Variants in DOCK1 observed in about 807,000 individuals in gnomAD.
DOCK1 encodes dedicator of cytokinesis protein 1.
In DOCK1, 138 loss-of-function variants were observed where a neutral mutation model predicts 262.7. The observed-to-expected ratio is 0.53, with a 90% confidence interval of 0.46 to 0.61. The LOEUF (loss-of-function observed/expected upper bound fraction) is 0.61. Ranked by LOEUF, DOCK1 falls within the 20% of genes least tolerant of loss-of-function variation. DOCK1 has a pLI of 0.00. For missense variants in DOCK1, 1,908 were observed against 2,370.7 expected (o/e 0.80, Z 4.05); for synonymous variants, 866 against 867.4 (o/e 1.00, Z 0.03).
intron 1 of DOCK1, among the ~76,000 whole-genome samples, chr10:126,966,914 G>C (rs2037718082): frequency 6.6e-6 from 1 of 152,214 alleles, no homozygotes; most frequent in Non-Finnish European, 1.5e-5. Context: ...GCTGGAGTCT[G>C]CTGTCCAGGG....
rs1008901155 is a variant in DOCK1 at position 127,409,021 on chromosome 10, A to C, written c.4123-16A>C. On this transcript the variant is annotated splice_polypyrimidine_tract_variant and intron_variant, in intron 40 of 51. Transcript: ENST00000623213. ...CTTTCTCTGTGGTGTTATGAAATGAATGTCACCCTTTTCAGGGAAAAGTTT... is the reference window on the plus strand; with the variant it reads ...CTTTCTCTGTGGTGTTATGAAATGACTGTCACCCTTTTCAGGGAAAAGTTT... 2 of 1,572,542 alleles carry C rather than the reference A, an allele frequency of 1.3e-6. No homozygotes were observed. The highest frequency in any genetic ancestry group is 1.4e-5 in the African/African-American group (1 of 73,968).
chr10:126,973,926 A>G (rs2038307373), intron 2 of DOCK1, among the ~76,000 whole-genome samples: 1 of 152,142 alleles, frequency 6.6e-6, no homozygotes, highest in Non-Finnish European at 1.5e-5. Flanking sequence ...AGCTTGCTCC[A>G]GAGGCTATAA....
At chr10:127,232,407 C>T (rs2058882906) in intron 27 of DOCK1, among the ~76,000 whole-genome samples, 1 of 152,086 alleles carries the variant, frequency 6.6e-6, no homozygotes, top group Non-Finnish European at 1.5e-5. Context: ...GTGGCTGGAG[C>T]AATGTGAGCA....
At chr10:127,402,306 A>G (rs1450862232) in intron 38 of DOCK1, among the ~76,000 whole-genome samples, 1 of 152,152 alleles carries the variant, frequency 6.6e-6, no homozygotes, top group Non-Finnish European at 1.5e-5. Context: ...GCTTCCTGGA[A>G]GAGGTGGTTC....
At chr10:127,412,117 T>C (rs7895910) in intron 43 of DOCK1, among the ~76,000 whole-genome samples, 38,614 of 151,306 alleles carry the variant, frequency 0.26, 5,203 homozygotes, top group African/African-American at 0.33. Flanking sequence ...TGCCCGCCAC[T>C]ACGCCCGGCT....
At chr10:127,087,503 G>A (rs2047267227) in intron 23 of DOCK1, among the ~76,000 whole-genome samples, 1 of 152,080 alleles carries the variant, frequency 6.6e-6, no homozygotes, top group Admixed American at 6.5e-5. Context: ...GGTCCCCGGA[G>A]CCTTTAGGGT....
intron 48 of DOCK1, among the ~76,000 whole-genome samples, chr10:127,434,510 A>G (rs1324546784): frequency 3.9e-5 from 6 of 152,102 alleles, no homozygotes; most frequent in Admixed American, 6.6e-5. Flanking sequence ...CATGACCACC[A>G]TCCACCTCCA....
intron 29 of DOCK1, among the ~76,000 whole-genome samples, chr10:127,266,752 A>T (rs2060373938): frequency 6.6e-6 from 1 of 152,154 alleles, no homozygotes; most frequent in African/African-American, 2.4e-5. Context: ...TGGAATGAAG[A>T]TTTCCCTAGA....
intron 49 of DOCK1, among the ~76,000 whole-genome samples, chr10:127,443,030 G>T (rs547141190): frequency 1.3e-5 from 2 of 152,156 alleles, no homozygotes; most frequent in Middle Eastern, 3.2e-3. Context: ...TAGAGGCGTC[G>T]GCAGGGCTGA....
intron 1 of DOCK1, among the ~76,000 whole-genome samples, chr10:126,935,265 T>A (rs1378013475): frequency 6.6e-6 from 1 of 152,218 alleles, no homozygotes; most frequent in Non-Finnish European, 1.5e-5. Flanking sequence ...TAATATACTT[T>A]GCTTAGTGAT....
intron 1 of DOCK1, among the ~76,000 whole-genome samples, chr10:126,912,592 G>A (rs1287127052): frequency 1.3e-5 from 2 of 151,794 alleles, no homozygotes; most frequent in African/African-American, 4.8e-5. Context: ...CGGGCGTGGT[G>A]GCGGGCGCCT....
At chr10:127,244,432 G>A (rs2059365321) in intron 27 of DOCK1, among the ~76,000 whole-genome samples, 1 of 152,130 alleles carries the variant, frequency 6.6e-6, no homozygotes, top group South Asian at 2.1e-4. Context: ...TAGGAGATGA[G>A]TATTTATTTT....
chr10:127,335,167 A>G (rs1326553273), intron 29 of DOCK1, among the ~76,000 whole-genome samples: 1 of 152,210 alleles, frequency 6.6e-6, no homozygotes, highest in Admixed American at 6.5e-5. Flanking sequence ...CACTGAGGAC[A>G]CTTAGGTGAA....
chr10:127,125,338 A>AC, intron 25 of DOCK1, 136 bp from the exon 26 acceptor site: 2 of 1,169,420 alleles, frequency 1.7e-6, no homozygotes, highest in Admixed American at 2.4e-5. Flanking sequence ...CAAGTAATTG[A>AC]CCCCCCTCCA....
chr10:127,329,281 C>T (rs941683597), intron 29 of DOCK1, among the ~76,000 whole-genome samples: 14 of 152,204 alleles, frequency 9.2e-5, no homozygotes, highest in Non-Finnish European at 1.5e-4. Flanking sequence ...TTCCCCTGCC[C>T]ATCCATGGCT....
intron 43 of DOCK1, among the ~76,000 whole-genome samples, chr10:127,412,350 G>T (rs7084056): frequency 0.35 from 53,044 of 152,052 alleles, 10,317 homozygotes; most frequent in East Asian, 0.54. Flanking sequence ...TAGAGGTGGG[G>T]TCTATGTTGC....
intron 38 of DOCK1, among the ~76,000 whole-genome samples, chr10:127,396,750 G>A (rs1270960625): frequency 1.4e-5 from 1 of 69,202 alleles, no homozygotes; most frequent in East Asian, 3.9e-4. Context: ...TCATATCTCT[G>A]TTACAAAAAA....
intron 32 of DOCK1, 115 bp from the exon 33 acceptor site, chr10:127,361,949 C>T (rs948642706): frequency 6.1e-5 from 74 of 1,206,296 alleles, no homozygotes; most frequent in African/African-American, 4.8e-4. Flanking sequence ...TGCACATTTT[C>T]GGGATCCTGC....
chr10:127,221,593 C>T lies in DOCK1; in HGVS notation c.2848-26415C>T, dbSNP rs1003600043. On this transcript the variant is annotated intron_variant, in intron 27 of 51. Coordinates refer to ENST00000623213, the MANE Select transcript of DOCK1 (RefSeq NM_001290223.2). ...GTGTCAGCTACTTTTATCCTTTGATCAATTGCTCCAGGGCTCATAATACAT... is the reference window on the plus strand; with the variant it reads ...GTGTCAGCTACTTTTATCCTTTGATTAATTGCTCCAGGGCTCATAATACAT... Among the ~76,000 whole-genome samples, 4 of 152,094 alleles carry T rather than the reference C, an allele frequency of 2.6e-5. No individual in the cohort carries two copies. The East Asian group carries it at 7.7e-4, about 29-fold the overall frequency.
Sources: gnomAD v4.1 joint callset for allele counts (sites outside exome capture counted in the v4.1 genomes callset) on GRCh38, gnomAD v4.1.1 for gene constraint, MANE v1.5 for transcripts, NCBI Gene and HGNC (gene_info 2026-07-23, HGNC 2026-07-21) for gene names.